The following SDHAF3 variants were observed in gnomAD, a reference collection of about 807,000 sequenced individuals.
SDHAF3 encodes the protein succinate dehydrogenase complex assembly factor 3, also known as succinate dehydrogenase assembly factor 3, mitochondrial.
A neutral mutation model predicts 11.5 loss-of-function variants in SDHAF3; 18 were observed. That is an observed-to-expected ratio of 1.56 (90% CI 1.08 to 2.32). SDHAF3 has a LOEUF of 2.32. Ranked by LOEUF, SDHAF3 falls within the 30% of genes most tolerant of loss-of-function variation. SDHAF3 has a pLI of 0.00. For missense variants in SDHAF3, 200 were observed against 154.4 expected (o/e 1.30, Z -1.57); for synonymous variants, 72 against 59.3 (o/e 1.21, Z -0.99).
intron 1 of SDHAF3, among the ~76,000 whole-genome samples, chr7:97,122,449 G>A (rs768656145): frequency 1.1e-4 from 17 of 151,450 alleles, no homozygotes; most frequent in Non-Finnish European, 2.2e-4. Context: ...GTCTCAAATA[G>A]GTATATACCT....
chr7:97,176,644 C>T (rs1322403609), intron 1 of SDHAF3, among the ~76,000 whole-genome samples: 1 of 152,084 alleles, frequency 6.6e-6, no homozygotes, highest in Non-Finnish European at 1.5e-5. Flanking sequence ...GGGTGGTGTA[C>T]GGGCGAAAGG....
intron 1 of SDHAF3, among the ~76,000 whole-genome samples, chr7:97,118,211 T>G (rs1562817842): frequency 6.6e-6 from 1 of 152,224 alleles, no homozygotes; most frequent in Non-Finnish European, 1.5e-5. Flanking sequence ...AGGAGCTTTT[T>G]GTCCTTTTAA....
chr7:97,141,648 C>A (rs1021066151), intron 1 of SDHAF3, among the ~76,000 whole-genome samples: 7 of 152,130 alleles, frequency 4.6e-5, no homozygotes, highest in Non-Finnish European at 7.3e-5. Context: ...CGCCTGCCAT[C>A]ACACCTGGCA....
Position 97,125,001 on chromosome 7 carries a change from G to T in SDHAF3, c.174+7104G>T, listed in dbSNP as rs186005569. Among the ~76,000 whole-genome samples the T allele has an allele frequency of 2.6e-3, 396 of 152,228 alleles. 1 individual carries two copies. The highest frequency in any genetic ancestry group is 9.2e-3 in the African/African-American group (384 of 41,532). On this transcript the variant is annotated intron_variant, in intron 1 of 1. Transcript: ENST00000432641. ...TTTTATTTTTTTCTCTTGCCTGATT[G>T]CTCTGGCCAGAACTTCCAATACTAC...
In SDHAF3 at chr7:97,178,758, A is replaced by G. The variant is rs573939838; in HGVS notation, c.175-2254A>G. On this transcript the variant is annotated intron_variant, in intron 1 of 1. Coordinates refer to ENST00000432641, the MANE Select transcript of SDHAF3 (RefSeq NM_020186.3). ...ATATTCTGGATAATAAACCCTTTTC[A>G]GATACGATTTGCAAATTTTTTCTCA... 7.9e-5 allele frequency among the ~76,000 whole-genome samples: 12 copies of G among 152,190 alleles called. No homozygotes were observed. The East Asian group carries it at 2.3e-3, about 29-fold the overall frequency.
intron 1 of SDHAF3, among the ~76,000 whole-genome samples, chr7:97,164,958 C>T (rs1280228164): frequency 6.6e-6 from 1 of 152,068 alleles, no homozygotes; most frequent in Non-Finnish European, 1.5e-5. Context: ...TGTGTCATGG[C>T]TGTGATGAAA....
At chr7:97,148,755 T>C (rs1789173029) in intron 1 of SDHAF3, among the ~76,000 whole-genome samples, 1 of 152,196 alleles carries the variant, frequency 6.6e-6, no homozygotes, top group Admixed American at 6.5e-5. Flanking sequence ...GTGCGTAAGA[T>C]AACCTAGAAT....
At chr7:97,121,695 C>T (rs1179560435) in intron 1 of SDHAF3, among the ~76,000 whole-genome samples, 2 of 151,804 alleles carry the variant, frequency 1.3e-5, no homozygotes, top group Admixed American at 6.6e-5. Context: ...GCTGTGGGAT[C>T]AAGGAGTAAT....
intron 1 of SDHAF3, among the ~76,000 whole-genome samples, chr7:97,138,793 A>C (rs962342219): frequency 1.3e-5 from 2 of 152,256 alleles, no homozygotes; most frequent in African/African-American, 4.8e-5. Context: ...ATGTTGACAC[A>C]GTATTTTTTT....
chr7:97,172,817 AATT>A (rs887275417), intron 1 of SDHAF3, among the ~76,000 whole-genome samples: 1 of 152,210 alleles, frequency 6.6e-6, no homozygotes, highest in Non-Finnish European at 1.5e-5. Flanking sequence ...TATTGTAAAA[AATT>A]ATTATAATAA....
chr7:97,172,071 G>GT lies in SDHAF3; in HGVS notation c.175-8940dup, dbSNP rs528684311. Reference sequence around the variant, plus strand: ...ATATTTATTATAAAATATCAAAACAGTACAGGGTTGAGGTGTTCAGAACAA... The same window carrying GT: ...ATATTTATTATAAAATATCAAAACAGTTACAGGGTTGAGGTGTTCAGAACAA... On this transcript the variant is annotated intron_variant, in intron 1 of 1. Transcript: ENST00000432641. Among the ~76,000 whole-genome samples the GT allele has an allele frequency of 2.1e-3, 319 of 152,030 alleles. 2 individuals carry two copies. The highest frequency in any genetic ancestry group is 2.2e-4 in the Non-Finnish European group (15 of 67,956).
At chr7:97,158,392 A>G (rs1290623856) in intron 1 of SDHAF3, among the ~76,000 whole-genome samples, 4 of 152,152 alleles carry the variant, frequency 2.6e-5, no homozygotes, top group African/African-American at 9.7e-5. Context: ...CAGTGGCACA[A>G]TCTCGGCTCA....
chr7:97,156,869 C>T (rs989490012), intron 1 of SDHAF3, among the ~76,000 whole-genome samples: 4 of 152,108 alleles, frequency 2.6e-5, no homozygotes, highest in East Asian at 1.9e-4. Flanking sequence ...ATGCGCACAA[C>T]GTGCAGGTTT....
At chr7:97,128,680 T>G (rs1165428608) in intron 1 of SDHAF3, among the ~76,000 whole-genome samples, 1 of 152,162 alleles carries the variant, frequency 6.6e-6, no homozygotes, top group African/African-American at 2.4e-5. Context: ...AAAAAGAAAT[T>G]AAAATTCATG....
intron 1 of SDHAF3, among the ~76,000 whole-genome samples, chr7:97,142,244 G>A (rs1024698752): frequency 2.0e-5 from 3 of 151,280 alleles, no homozygotes; most frequent in Non-Finnish European, 4.4e-5. Flanking sequence ...TAGTAGAGAC[G>A]GCATTTCACT....
In SDHAF3 at chr7:97,156,172, C is replaced by T. The variant is rs10271847; in HGVS notation, c.175-24840C>T. On this transcript the variant is annotated intron_variant, in intron 1 of 1. Coordinates refer to ENST00000432641, the MANE Select transcript of SDHAF3 (RefSeq NM_020186.3). ...ATATTTAGTTGTCATGTCACCTTAG[C>T]GCTCTAGGCTGTGAGAGTTTCTCAG... is the stretch of plus-strand genomic sequence containing the variant. Among the ~76,000 whole-genome samples the T allele has an allele frequency of 2.9e-3, 448 of 152,262 alleles. 1 individual carries two copies. The highest frequency in any genetic ancestry group is 9.0e-3 in the African/African-American group (373 of 41,550).
At chr7:97,130,422 G>C (rs996125789) in intron 1 of SDHAF3, among the ~76,000 whole-genome samples, 2 of 152,180 alleles carry the variant, frequency 1.3e-5, no homozygotes, top group Non-Finnish European at 2.9e-5. Flanking sequence ...TACAGCTCTG[G>C]CTCGGGAAGT....
intron 1 of SDHAF3, among the ~76,000 whole-genome samples, chr7:97,175,587 A>C (rs898040287): frequency 6.6e-6 from 1 of 152,180 alleles, no homozygotes; most frequent in African/African-American, 2.4e-5. Flanking sequence ...AGTGTGCTCG[A>C]CCATACCAGT....
chr7:97,172,053 T>C (rs1031015193), intron 1 of SDHAF3, among the ~76,000 whole-genome samples: 4 of 152,074 alleles, frequency 2.6e-5, no homozygotes, highest in Non-Finnish European at 5.9e-5. Context: ...ATAATATTTA[T>C]TATAAAATAT....
Sources: gnomAD v4.1 joint callset for allele counts (sites outside exome capture counted in the v4.1 genomes callset) on GRCh38, gnomAD v4.1.1 for gene constraint, MANE v1.5 for transcripts, NCBI Gene and HGNC (gene_info 2026-07-23, HGNC 2026-07-21) for gene names.